DACH2: variants seen among roughly 807,000 people sequenced by gnomAD.
DACH2 encodes the protein dachshund homolog 2.
A neutral mutation model predicts 35.8 loss-of-function variants in DACH2; 17 were observed. The ratio of observed to expected loss-of-function variants is 0.48; its 90% confidence interval spans 0.33 to 0.71. DACH2 has a LOEUF of 0.71. Among genes scored for constraint, DACH2 ranks in the 30% least tolerant of loss-of-function variants. The pLI, the probability that DACH2 is intolerant of heterozygous loss-of-function variation, is 0.02. For synonymous variants in DACH2, 195 were observed against 177.3 expected (o/e 1.10, Z -0.79); for missense variants, 469 against 472.7 (o/e 0.99, Z 0.07).
At chrX:86,685,977 G>C (rs757414783) in intron 4 of DACH2, among the ~76,000 whole-genome samples, 1 of 111,260 alleles carries the variant, frequency 9.0e-6, no homozygotes, top group East Asian at 2.8e-4. Context: ...ACTGCGAAGT[G>C]ACTTGATAAT....
chrX:86,595,616 A>G (rs2039701173), intron 3 of DACH2, among the ~76,000 whole-genome samples: 1 of 110,393 alleles, frequency 9.1e-6, no homozygotes, highest in South Asian at 3.8e-4. Context: ...GTGATTATTG[A>G]TATAGTTGGT....
At chrX:86,312,903 T>C (rs1024569814) in intron 1 of DACH2, among the ~76,000 whole-genome samples, 2 of 111,361 alleles carry the variant, frequency 1.8e-5, no homozygotes, top group African/African-American at 6.5e-5. Flanking sequence ...TAGAAACTGG[T>C]GAATCAGGAG....
At chrX:86,287,405 TG>T (rs779862066) in intron 1 of DACH2, among the ~76,000 whole-genome samples, 2 of 111,845 alleles carry the variant, frequency 1.8e-5, no homozygotes, top group African/African-American at 3.2e-5. Context: ...ATAACCTTCC[TG>T]TACATCGATA....
intron 2 of DACH2, among the ~76,000 whole-genome samples, chrX:86,433,544 C>A (rs780927136): frequency 2.7e-5 from 3 of 111,276 alleles, no homozygotes; most frequent in Non-Finnish European, 5.7e-5. Context: ...AGGCAGTATG[C>A]TAGGTAGCTA....
intron 11 of DACH2, among the ~76,000 whole-genome samples, chrX:86,824,500 G>A (rs1316290623): frequency 9.0e-6 from 1 of 111,654 alleles, no homozygotes; most frequent in African/African-American, 3.3e-5. Flanking sequence ...TTATCACAGT[G>A]GTCCTGAGGT....
chrX:86,277,437 A>G (rs1238375351), intron 1 of DACH2, among the ~76,000 whole-genome samples: 4 of 112,216 alleles, frequency 3.6e-5, no homozygotes, highest in African/African-American at 1.3e-4. Context: ...TATGTTATAC[A>G]TCATTTTAAT....
intron 3 of DACH2, among the ~76,000 whole-genome samples, chrX:86,601,751 C>A (rs2039792552): frequency 8.9e-6 from 1 of 112,024 alleles, no homozygotes; most frequent in African/African-American, 3.2e-5. Flanking sequence ...AAACTGTGGT[C>A]TAGAGAGGTA....
chrX:86,728,121 G>C (rs942652224), intron 6 of DACH2, among the ~76,000 whole-genome samples: 2 of 112,042 alleles, frequency 1.8e-5, no homozygotes, highest in Non-Finnish European at 3.8e-5. Flanking sequence ...ATCTCAGATA[G>C]CAGTGAGGAA....
intron 3 of DACH2, among the ~76,000 whole-genome samples, chrX:86,567,875 T>C (rs997366607): frequency 1.8e-5 from 2 of 111,768 alleles, no homozygotes; most frequent in South Asian, 3.7e-4. Context: ...AGCTTTTTTT[T>C]CATAGTTTCC....
At chrX:86,483,700 G>A (rs188269721) in intron 2 of DACH2, among the ~76,000 whole-genome samples, 5 of 111,034 alleles carry the variant, frequency 4.5e-5, no homozygotes, top group African/African-American at 1.3e-4. Flanking sequence ...GGGCATGATG[G>A]CATGTGCCTG....
chrX:86,812,643 C>A (rs760513430), intron 7 of DACH2, among the ~76,000 whole-genome samples: 1 of 111,642 alleles, frequency 9.0e-6, no homozygotes, highest in Non-Finnish European at 1.9e-5. Context: ...CCTCTTTAGC[C>A]ATAAGCATTG....
At chrX:86,374,394 A>G (rs1355834218) in intron 1 of DACH2, among the ~76,000 whole-genome samples, 3 of 111,153 alleles carry the variant, frequency 2.7e-5, no homozygotes, top group African/African-American at 9.8e-5. Flanking sequence ...CCTTCTAGTC[A>G]TAACTTGTGC....
intron 2 of DACH2, among the ~76,000 whole-genome samples, chrX:86,410,015 G>T (rs2036585121): frequency 8.9e-6 from 1 of 112,028 alleles, no homozygotes; most frequent in African/African-American, 3.2e-5. Flanking sequence ...ATGTGTTGGA[G>T]AGGTATGATA....
intron 1 of DACH2, among the ~76,000 whole-genome samples, chrX:86,151,703 A>G (rs5968815): frequency 0.047 from 5,288 of 111,689 alleles, 301 homozygotes; most frequent in African/African-American, 0.16. Flanking sequence ...GATTATTTAC[A>G]GAAATGTATA....
rs368964843 is a variant in DACH2 at position 86,514,239 on chromosome X, C to G, written c.528-40C>G. 8.7e-5 allele frequency: 97 copies of G among 1,109,661 alleles called. No individual in the cohort carries two copies. The African/African-American group carries it at 1.5e-3, about 17-fold the overall frequency. 91.4% of individuals were successfully genotyped at this position (1,109,661 alleles called of 1,213,427 possible). On this transcript the variant is annotated intron_variant, in intron 2 of 11. Coordinates refer to ENST00000373125, the MANE Select transcript of DACH2 (RefSeq NM_053281.3). The stretch of plus-strand genomic sequence containing the variant: ...AGTGATGGTTTTCTCAAAAAGAGTA[C>G]ATTTTTAACCTTTATCTATATTTGT...
chrX:86,683,425 T>C (rs2040905504), intron 4 of DACH2, among the ~76,000 whole-genome samples: 3 of 111,601 alleles, frequency 2.7e-5, no homozygotes, highest in African/African-American at 9.7e-5. Flanking sequence ...AACCACTTGA[T>C]ACATTATTAG....
chrX:86,499,084 T>C (rs1029256243), intron 2 of DACH2, among the ~76,000 whole-genome samples: 2 of 112,078 alleles, frequency 1.8e-5, no homozygotes, highest in Non-Finnish European at 3.8e-5. Flanking sequence ...TACCAACATA[T>C]GCATAGGTAC....
chrX:86,620,316 A>G (rs772722883), intron 3 of DACH2, among the ~76,000 whole-genome samples: 3 of 111,484 alleles, frequency 2.7e-5, no homozygotes, highest in African/African-American at 9.8e-5. Context: ...ATATCAGGTA[A>G]CAAACTGCTG....
Position 86,221,856 on chromosome X carries a change from C to A in DACH2, c.488+72748C>A, listed in dbSNP as rs763884630. Among the ~76,000 whole-genome samples the A allele has an allele frequency of 3.6e-5, 4 of 112,197 alleles. No homozygotes were observed. In the South Asian group the frequency reaches 1.5e-3, roughly 41 times the overall value. On this transcript the variant is annotated intron_variant, in intron 1 of 11. Transcript: ENST00000373125. ...GGAAGTCCAAGGTCAAGGTGTTGGG[C>A]AGGTTTAATTTTTATTGAGGCCTTT...
Sources: gnomAD v4.1 joint callset for allele counts (sites outside exome capture counted in the v4.1 genomes callset) on GRCh38, gnomAD v4.1.1 for gene constraint, MANE v1.5 for transcripts, NCBI Gene and HGNC (gene_info 2026-07-23, HGNC 2026-07-21) for gene names.